Variants in GFRA2 observed in about 807,000 individuals in gnomAD.
GFRA2 encodes the protein GDNF family receptor alpha-2.
GFRA2 carries 17 observed loss-of-function variants against 48.3 expected under a neutral mutation model. That is an observed-to-expected ratio of 0.35 (90% CI 0.24 to 0.53). The LOEUF (loss-of-function observed/expected upper bound fraction) is 0.53, where lower values mean the gene tolerates loss of function less well. Among genes scored for constraint, GFRA2 ranks in the 20% least tolerant of loss-of-function variants. GFRA2 has a pLI of 0.93. For missense variants in GFRA2, 660 were observed against 637.3 expected, an observed-to-expected ratio of 1.04 and a Z score of -0.38; for synonymous variants, 305 against 257.2, an observed-to-expected ratio of 1.19 and a Z score of -1.78.
intron 3 of GFRA2, among the ~76,000 whole-genome samples, chr8:21,751,807 A>G (rs1459974514): frequency 1.3e-5 from 2 of 152,162 alleles, no homozygotes; most frequent in Non-Finnish European, 2.9e-5. Context: ...TTAAAGATTG[A>G]TCAGGTCCTA....
upstream of GFRA2, among the ~76,000 whole-genome samples, chr8:21,790,467 A>G (rs965704635): frequency 1.3e-5 from 2 of 152,260 alleles, no homozygotes; most frequent in East Asian, 3.8e-4. Context: ...GGGGTCACTA[A>G]CAAAACCAGC....
intron 2 of GFRA2, among the ~76,000 whole-genome samples, chr8:21,781,494 A>G (rs1459241706): frequency 6.6e-6 from 1 of 151,560 alleles, no homozygotes; most frequent in African/African-American, 2.4e-5. Context: ...ACTCTGACTC[A>G]CCCTTCAGCC....
chr8:21,700,547 G>C (rs1802421587), intron 7 of GFRA2, among the ~76,000 whole-genome samples: 1 of 152,230 alleles, frequency 6.6e-6, no homozygotes, highest in African/African-American at 2.4e-5. Flanking sequence ...GTGGCCAGGA[G>C]GCAGGGTTGC....
Position 21,766,679 on chromosome 8 carries a change from G to T in GFRA2, c.439+8293C>A, listed in dbSNP as rs562255930. Among the ~76,000 whole-genome samples, 4 of 111,828 alleles carry T rather than the reference G, an allele frequency of 3.6e-5. No individual in the cohort carries two copies. The East Asian group carries it at 1.1e-3, about 30-fold the overall frequency. 73.4% of individuals were successfully genotyped at this position (111,828 alleles called of 152,430 possible). ...CCCCTAAGAGGATGAACAGGGGCCT[G>T]GGGGGTCATTCCCCTGATGGTCGGA... is the stretch of plus-strand genomic sequence containing the variant. On this transcript the variant is annotated intron_variant, in intron 3 of 8. Transcript: ENST00000524240.
At chr8:21,804,820 C>A (rs1035648213) in intron 2 of GFRA2, among the ~76,000 whole-genome samples, 1 of 152,182 alleles carries the variant, frequency 6.6e-6, no homozygotes, top group Non-Finnish European at 1.5e-5. Flanking sequence ...TCTTTCACCC[C>A]GGCCTCATTG....
chr8:21,711,719 T>C (rs1205307087), intron 4 of GFRA2, among the ~76,000 whole-genome samples: 1 of 144,936 alleles, frequency 6.9e-6, no homozygotes, highest in Non-Finnish European at 1.5e-5. Context: ...TTCTTGGGTG[T>C]TTCTCGCAGA....
intron 2 of GFRA2, among the ~76,000 whole-genome samples, chr8:21,801,655 C>T (rs1286508277): frequency 2.6e-5 from 4 of 151,680 alleles, no homozygotes; most frequent in Non-Finnish European, 5.9e-5. Context: ...GTGCTCCAGG[C>T]AGAGTGGGTA....
At chr8:21,721,821 G>A (rs1306397660) in intron 4 of GFRA2, among the ~76,000 whole-genome samples, 3 of 152,112 alleles carry the variant, frequency 2.0e-5, no homozygotes, top group Non-Finnish European at 4.4e-5. Flanking sequence ...AAGCAGGGAG[G>A]ACCAGGCATG....
At position 21,786,177 on chromosome 8, in the gene GFRA2, G is replaced by A. The variant is rs977335966; in HGVS notation, c.40+1943C>T. 2.5e-3 allele frequency among the ~76,000 whole-genome samples: 380 copies of A among 152,272 alleles called. 1 individual carries two copies. Among genetic ancestry groups the A allele is most frequent in the African/African-American group, 8.6e-3 (356 of 41,554 alleles). On this transcript the variant is annotated intron_variant, in intron 1 of 8. Coordinates refer to ENST00000524240, the MANE Select transcript of GFRA2 (RefSeq NM_001495.5). The stretch of plus-strand genomic sequence containing the variant: ...TCCAGGGTTGCAGACATTGGGTTGG[G>A]CCTCTCTGGTCATCTCCCATGCACA...
At chr8:21,704,142 T>C (rs1028973007) in intron 6 of GFRA2, among the ~76,000 whole-genome samples, 4 of 152,252 alleles carry the variant, frequency 2.6e-5, no homozygotes, top group Admixed American at 6.5e-5. Context: ...CCACCCGCCA[T>C]GGTCTTCTGT....
chr8:21,703,787 C>T (rs1471480031), intron 6 of GFRA2, among the ~76,000 whole-genome samples: 1 of 152,206 alleles, frequency 6.6e-6, no homozygotes. Context: ...CCTCCCACTG[C>T]TCTGGTTCAC....
intron 7 of GFRA2, among the ~76,000 whole-genome samples, chr8:21,700,462 C>G (rs906567039): frequency 2.0e-5 from 3 of 152,198 alleles, no homozygotes; most frequent in African/African-American, 7.2e-5. Context: ...CTCCCACAGC[C>G]CCACTGAACA....
chr8:21,739,361 G>C (rs964711231), intron 4 of GFRA2, among the ~76,000 whole-genome samples: 1 of 152,148 alleles, frequency 6.6e-6, no homozygotes, highest in Non-Finnish European at 1.5e-5. Flanking sequence ...TGAGGATGGG[G>C]AACTCACTAC....
upstream of GFRA2, among the ~76,000 whole-genome samples, chr8:21,790,817 T>C (rs1261911293): frequency 6.6e-6 from 1 of 152,250 alleles, no homozygotes; most frequent in African/African-American, 2.4e-5. Context: ...CAAGGTCTCT[T>C]GGCTTTTTTT....
At position 21,691,429 on chromosome 8, in the gene GFRA2, C is replaced by T. The variant is rs1801879960; in HGVS notation, c.*1849G>A. The stretch of plus-strand genomic sequence containing the variant: ...GGGGCCTGGGTAGCAAATGGAGAAA[C>T]AGGAAAGGAAGGAATAGAGGGAGAC... On this transcript the variant is annotated 3_prime_UTR_variant, in exon 9 of 9. Coordinates refer to ENST00000524240, the MANE Select transcript of GFRA2 (RefSeq NM_001495.5). 1 of 152,152 alleles carries T rather than the reference C, an allele frequency of 6.6e-6. No individual in the cohort carries two copies. The highest frequency in any genetic ancestry group is 1.5e-5 in the Non-Finnish European group (1 of 68,062). 9.4% of individuals were successfully genotyped at this position (152,152 alleles called of 1,614,324 possible).
chr8:21,759,224 A>G (rs1348484772), intron 3 of GFRA2, among the ~76,000 whole-genome samples: 7 of 151,996 alleles, frequency 4.6e-5, no homozygotes, highest in Admixed American at 3.9e-4. Context: ...CGTCTCTACT[A>G]AAAACACAAA....
intron 4 of GFRA2, among the ~76,000 whole-genome samples, chr8:21,747,885 G>A (rs1805091510): frequency 6.6e-6 from 1 of 151,834 alleles, no homozygotes; most frequent in South Asian, 2.1e-4. Flanking sequence ...CACACTCTGT[G>A]AGACACCACA....
At chr8:21,734,499 T>C (rs1334049968) in intron 4 of GFRA2, among the ~76,000 whole-genome samples, 1 of 152,246 alleles carries the variant, frequency 6.6e-6, no homozygotes, top group African/African-American at 2.4e-5. Flanking sequence ...TCTCTTTTTT[T>C]TCCTGCAACA....
intron 4 of GFRA2, among the ~76,000 whole-genome samples, chr8:21,733,463 C>T (rs73554724): frequency 5.3e-5 from 8 of 152,172 alleles, no homozygotes; most frequent in East Asian, 1.9e-4. Context: ...AGTCCCACCA[C>T]GGAGGTGTCA....
Sources: allele counts gnomAD v4.1 joint callset (sites outside exome capture counted in the v4.1 genomes callset), GRCh38; gene constraint gnomAD v4.1.1; transcripts MANE v1.5; gene names NCBI Gene and HGNC (gene_info 2026-07-23, HGNC 2026-07-21).